Variants in SETMAR observed in about 807,000 individuals in gnomAD.
SETMAR encodes histone-lysine N-methyltransferase SETMAR.
Under a neutral mutation model 58.4 loss-of-function variants are expected in SETMAR, and 44 were observed. The observed-to-expected ratio is 0.75, with a 90% CI of 0.59 to 0.97. SETMAR has a LOEUF of 0.97. Among genes scored for constraint, SETMAR ranks in the 50% least tolerant of loss-of-function variants. SETMAR has a pLI of 0.00. For missense variants in SETMAR, 903 were observed against 840.2 expected, an observed-to-expected ratio of 1.07 and a Z score of -0.92; for synonymous variants, 332 against 307.4, an observed-to-expected ratio of 1.08 and a Z score of -0.84.
chr3:4,311,744 C>A lies in SETMAR; in HGVS notation c.157-1154C>A, dbSNP rs529557533. ...ACCTGTTTGTTCTATTTCCCTTTCA[C>A]CTTACTCTCCTTACTTGTTCATTTA... On this transcript the variant is annotated intron_variant, in intron 1 of 2. Transcript: ENST00000358065. Among the ~76,000 whole-genome samples, 3 of 152,296 alleles carry A rather than the reference C, an allele frequency of 2.0e-5. No homozygotes were observed. The South Asian group carries it at 6.2e-4, about 32-fold the overall frequency.
chr3:4,303,959 C>A (rs1698068763), intron 1 of SETMAR: 2 of 898,208 alleles, frequency 2.2e-6, no homozygotes, highest in Non-Finnish European at 3.0e-6. Flanking sequence ...TGGTCTCCCT[C>A]ACGCTGTGGG....
chr3:4,316,905 C>A lies in SETMAR; in HGVS notation c.1714C>A (p.Arg572Ser). 2 of 1,549,364 alleles carry A rather than the reference C, an allele frequency of 1.3e-6. No homozygotes were observed. Among genetic ancestry groups the A allele is most frequent in the Non-Finnish European group, 1.7e-6 (2 of 1,146,742 alleles). ...CGATGAGATGAACCAAAAACTGCAA[C>A]GCCTGCAGCTGGCATTGGTCAACAG... is the stretch of plus-strand genomic sequence containing the variant. Reference protein sequence around the residue: ...EIDEMNQKLQRLQLALVNRKG... With the variant: ...EIDEMNQKLQSLQLALVNRKG... The change falls in exon 3 of 3, where the codon CGC (arginine) becomes AGC (serine). Residue 572 changes from arginine to serine, a missense_variant. Physicochemically the swap from Arg to Ser is moderately radical, Grantham distance 110. Transcript: ENST00000358065.
In SETMAR at chr3:4,316,442, G is replaced by C; in HGVS notation, c.1251G>C (p.Leu417Phe). Residue 417 changes from leucine (L) to phenylalanine (F), a missense_variant, in exon 3 of 3, where the codon TTG becomes TTC. Physicochemically the swap from Leu to Phe is conservative, Grantham distance 22 (BLOSUM62 0). Transcript: ENST00000358065. ...CATCAGAAGTTGACAACGACCAGTT[G>C]AGAGCAATCATCGAAGCTGATCCCC... is the stretch of plus-strand genomic sequence containing the variant. ...GRPSEVDNDQ[L>F]RAIIEADPLT... The C allele has an allele frequency of 6.3e-7, 1 of 1,599,944 alleles. No homozygotes were observed.
chr3:4,303,655 C>T, intron 1 of SETMAR, 129 bp downstream of exon 1: 1 of 1,439,102 alleles, frequency 6.9e-7, no homozygotes, highest in Non-Finnish European at 9.1e-7. Flanking sequence ...CCCGTTGGTG[C>T]GCGGGAATAG....
At chr3:4,309,019 G>A (rs1698301450) in intron 1 of SETMAR, among the ~76,000 whole-genome samples, 3 of 152,136 alleles carry the variant, frequency 2.0e-5, no homozygotes, top group Admixed American at 2.0e-4. Flanking sequence ...AACGTACATT[G>A]GTTCAGTCCA....
chr3:4,316,343 T>C lies in SETMAR; in HGVS notation c.1152T>C (p.Arg384=), dbSNP rs563235189. The change falls in exon 3 of 3, where the codon CGT becomes CGC. Residue 384 remains arginine, a synonymous_variant. Transcript: ENST00000358065. ...NAFGPGTANE[R]TVQWWFKKFC... ...TTGGCCCAGGAACTGCTAACGAACGTACAGTGCAGTGGTGGTTCAAGAAGT... is the reference window on the plus strand; with the variant it reads ...TTGGCCCAGGAACTGCTAACGAACGCACAGTGCAGTGGTGGTTCAAGAAGT... 4.8e-5 allele frequency: 70 copies of C among 1,455,880 alleles called. 1 individual carries two copies. The African/African-American group carries it at 8.4e-4, about 18-fold the overall frequency. 90.2% of individuals were successfully genotyped at this position (1,455,880 alleles called of 1,614,324 possible).
rs1698703111 is a variant in SETMAR, at chr3:4,317,243, T to A, written c.2052T>A (p.Asp684Glu). 6.5e-7 allele frequency: 1 copy of A among 1,529,332 alleles called. No homozygotes were observed. Among genetic ancestry groups the A allele is most frequent in the Non-Finnish European group, 8.8e-7 (1 of 1,137,686 alleles). The allele number at this position is 1,529,332 out of a possible 1,614,324, so 94.7% of individuals were successfully genotyped here. A position where few individuals can be genotyped will look rare whatever the true frequency, so the allele number is the denominator to read the frequency against. Residue 684 changes from aspartate to glutamate, a missense_variant, in exon 3 of 3, where the codon GAT becomes GAA. By Grantham distance (45) the Asp-to-Glu change is conservative. Coordinates refer to ENST00000358065, the MANE Select transcript of SETMAR (RefSeq NM_006515.4). ...TTGATTGTAATGGTTCCTATTTTGA[T>A]TAATAAAAATGCGTTGAGCCTAGTT... is the stretch of plus-strand genomic sequence containing the variant. Reference protein sequence around the residue: ...KCVDCNGSYFD With the variant: ...KCVDCNGSYFE
rs1698031791 is a variant in SETMAR, at chr3:4,303,437, G to T, written c.67G>T (p.Ala23Ser). The change falls in exon 1 of 3, where the codon GCC (alanine) becomes TCC (serine). Residue 23 changes from alanine to serine, a missense_variant. Physicochemically the swap from Ala to Ser is moderately conservative, Grantham distance 99. Transcript: ENST00000358065. ...GGCGGAGTTTAAGGAGAAGCCTGAG[G>T]CCCCGACTGAGCAGCTGGATGTCGC... ...GMAEFKEKPE[A>S]PTEQLDVACG... The T allele has an allele frequency of 5.8e-6, 9 of 1,552,444 alleles. No individual in the cohort carries two copies. The highest frequency in any genetic ancestry group is 7.8e-6 in the Non-Finnish European group (9 of 1,154,488).
intron 1 of SETMAR, among the ~76,000 whole-genome samples, chr3:4,310,031 G>T (rs1698342898): frequency 1.3e-5 from 2 of 152,192 alleles, no homozygotes; most frequent in African/African-American, 4.8e-5. Context: ...AACCTGCACA[G>T]AATGTTGCTA....
In SETMAR at chr3:4,311,658, C is replaced by G. The variant is rs140863016; in HGVS notation, c.157-1240C>G. Among the ~76,000 whole-genome samples, 627 of 152,322 alleles carry G rather than the reference C, an allele frequency of 4.1e-3. 9 individuals are homozygous for G. The highest frequency in any genetic ancestry group is 0.014 in the African/African-American group (595 of 41,566). ...TATATCCTTCTCTGAATTGGCAGCTCTCAGGCAGAGCCAAATATCCAGTCT... is the reference window on the plus strand; with the variant it reads ...TATATCCTTCTCTGAATTGGCAGCTGTCAGGCAGAGCCAAATATCCAGTCT... On this transcript the variant is annotated intron_variant, in intron 1 of 2. Coordinates refer to ENST00000358065, the MANE Select transcript of SETMAR (RefSeq NM_006515.4).
At chr3:4,312,864 C>G in intron 1 of SETMAR, 34 bp from the exon 2 acceptor site, 1 of 1,558,240 alleles carries the variant, frequency 6.4e-7, no homozygotes, top group Non-Finnish European at 8.7e-7. Flanking sequence ...ATATGACATG[C>G]CGTGCTGACT....
intron 1 of SETMAR, among the ~76,000 whole-genome samples, chr3:4,309,408 CAG>C (rs1201120003): frequency 3.3e-5 from 5 of 152,126 alleles, no homozygotes; most frequent in African/African-American, 1.2e-4. Context: ...TTTTGGTTAA[CAG>C]AGTACATTTT....
chr3:4,313,934 G>T, intron 2 of SETMAR, 173 bp downstream of exon 2: 2 of 1,158,498 alleles, frequency 1.7e-6, no homozygotes. Context: ...TTTAACAAAA[G>T]TACATGACTA....
chr3:4,306,738 C>G (rs1051336859), intron 1 of SETMAR, among the ~76,000 whole-genome samples: 1 of 152,242 alleles, frequency 6.6e-6, no homozygotes, highest in Non-Finnish European at 1.5e-5. Context: ...CAAACCCTGC[C>G]TTCACAGGCA....
intron 1 of SETMAR, 110 bp from the exon 2 acceptor site, chr3:4,312,788 C>T: frequency 2.3e-6 from 3 of 1,280,102 alleles, no homozygotes; most frequent in South Asian, 1.7e-5. Flanking sequence ...CAGTTTTGTC[C>T]TGTTTTTATA....
At chr3:4,313,943 T>A (rs1383401734) in intron 2 of SETMAR, 182 bp downstream of exon 2, 2 of 1,040,670 alleles carry the variant, frequency 1.9e-6, no homozygotes, top group African/African-American at 3.2e-5. Context: ...AGTACATGAC[T>A]ACCCAGAATA....
At chr3:4,314,273 T>TTA (rs1162624197) in intron 2 of SETMAR, 1 of 155,358 alleles carries the variant, frequency 6.4e-6, no homozygotes, top group Non-Finnish European at 1.4e-5. Flanking sequence ...TAAGTCACTG[T>TTA]TATTGTAAGT....
At chr3:4,313,928 A>G (rs1698531419) in intron 2 of SETMAR, 167 bp downstream of exon 2, 1 of 1,233,670 alleles carries the variant, frequency 8.1e-7, no homozygotes, top group Admixed American at 2.8e-5. Flanking sequence ...TCTCCATTTA[A>G]CAAAAGTACA....
chr3:4,303,622 C>A (rs1055735358), intron 1 of SETMAR, 96 bp downstream of exon 1: 11 of 1,388,666 alleles, frequency 7.9e-6, no homozygotes, highest in Admixed American at 3.5e-5. Context: ...CAGTCGCGAC[C>A]TTTTGTCTTC....
Sources: gnomAD v4.1 joint callset for allele counts (sites outside exome capture counted in the v4.1 genomes callset) on GRCh38, gnomAD v4.1.1 for gene constraint, MANE v1.5 for transcripts, NCBI Gene and HGNC (gene_info 2026-07-23, HGNC 2026-07-21) for gene names.